The following SLC51A variants were observed in gnomAD, a reference collection of about 807,000 sequenced individuals.
SLC51A encodes organic solute transporter subunit alpha.
In SLC51A, 22 loss-of-function variants were observed where a neutral mutation model predicts 34.8. The observed-to-expected ratio is 0.63, with a 90% CI of 0.45 to 0.90. SLC51A has a LOEUF of 0.90. Among genes scored for constraint, SLC51A ranks in the 40% least tolerant of loss-of-function variants. SLC51A has a pLI of 0.00. For synonymous variants in SLC51A, 181 were observed against 176.3 expected (o/e 1.03, Z -0.21); for missense variants, 371 against 414.8 (o/e 0.89, Z 0.92).
chr3:196,225,117 G>A (rs1003868531), intron 2 of SLC51A, among the ~76,000 whole-genome samples: 3 of 151,394 alleles, frequency 2.0e-5, no homozygotes, highest in Non-Finnish European at 4.4e-5. Flanking sequence ...GGGACCACAG[G>A]CAGGCGCCAC....
intron 4 of SLC51A, 40 bp downstream of exon 4, chr3:196,227,777 GC>G: frequency 6.4e-7 from 1 of 1,569,582 alleles, no homozygotes; most frequent in Non-Finnish European, 8.7e-7. Flanking sequence ...GGGCCCCTCT[GC>G]TCCCGCTCAC....
chr3:196,223,737 T>TAAA (rs71161915), intron 2 of SLC51A: 444 of 250,366 alleles, frequency 1.8e-3, no homozygotes, highest in African/African-American at 0.011. Context: ...CAGGTTTAGT[T>TAAA]AAAAAAAAAA....
At chr3:196,217,483 G>A (rs1723620144) in intron 1 of SLC51A, among the ~76,000 whole-genome samples, 2 of 151,722 alleles carry the variant, frequency 1.3e-5, no homozygotes, top group African/African-American at 2.4e-5. Flanking sequence ...AAGGCTGCCT[G>A]TATGAGCCAA....
chr3:196,232,630 G>A (rs1189201921), intron 8 of SLC51A, 106 bp downstream of exon 8: 1 of 828,928 alleles, frequency 1.2e-6, no homozygotes, highest in Non-Finnish European at 2.1e-6. Context: ...CTTCTGCTCA[G>A]AGTGTTCAGA....
In SLC51A at chr3:196,233,406, C is replaced by T. The variant is rs943378493; in HGVS notation, c.*207C>T. Reference sequence around the variant, plus strand: ...AAGGTGTTTTAAGTTTTGTAATAAACAAGATGATGTCTGAAAATGTGTAAC... The same window carrying T: ...AAGGTGTTTTAAGTTTTGTAATAAATAAGATGATGTCTGAAAATGTGTAAC... On this transcript the variant is annotated 3_prime_UTR_variant, in exon 9 of 9. Coordinates refer to ENST00000296327, the MANE Select transcript of SLC51A (RefSeq NM_152672.6). 22 of 561,616 alleles carry T rather than the reference C, an allele frequency of 3.9e-5. 2 individuals carry two copies. In the South Asian group the frequency reaches 4.1e-4, roughly 10 times the overall value. 34.8% of individuals were successfully genotyped at this position (561,616 alleles called of 1,614,324 possible).
At chr3:196,219,933 A>AG (rs1723701742) in intron 2 of SLC51A, among the ~76,000 whole-genome samples, 1 of 152,240 alleles carries the variant, frequency 6.6e-6, no homozygotes, top group African/African-American at 2.4e-5. Context: ...GGAAACCCCA[A>AG]GGCTGTTCAG....
intron 2 of SLC51A, among the ~76,000 whole-genome samples, chr3:196,219,197 G>A (rs1723677269): frequency 6.6e-6 from 1 of 152,130 alleles, no homozygotes; most frequent in Non-Finnish European, 1.5e-5. Context: ...CTGCACTGCA[G>A]CCTGGGCAAC....
chr3:196,221,860 C>T (rs1301973206), intron 2 of SLC51A, among the ~76,000 whole-genome samples: 8 of 151,966 alleles, frequency 5.3e-5, no homozygotes, highest in African/African-American at 1.4e-4. Context: ...GGACTACAGG[C>T]GCCCGCCACC....
rs1351431800 is a variant in SLC51A, at chr3:196,227,208, G to GTCACTTCA, written c.288+89_288+90insTCACTTCA. ...TCCTCTAAACTCAGCACGTCACTTC[G>GTCACTTCA]GCAAAGAGTGTCCTGCCACGACCCG... On this transcript the variant is annotated intron_variant, in intron 3 of 8. Coordinates refer to ENST00000296327, the MANE Select transcript of SLC51A (RefSeq NM_152672.6). The GTCACTTCA allele has an allele frequency of 6.4e-4, 390 of 606,740 alleles. 2 individuals carry two copies. The highest frequency in any genetic ancestry group is 8.3e-4 in the Non-Finnish European group (352 of 425,746). 37.6% of individuals were successfully genotyped at this position (606,740 alleles called of 1,614,324 possible). A position where few individuals can be genotyped will look rare whatever the true frequency, so the allele number is the denominator to read the frequency against.
chr3:196,233,040 C>T (rs1206024425), intron 8 of SLC51A, 23 bp from the exon 9 acceptor site: 6 of 1,612,820 alleles, frequency 3.7e-6, no homozygotes, highest in Non-Finnish European at 4.2e-6. Context: ...ATAACCTACG[C>T]TGTATTTCAC....
chr3:196,229,378 C>CTTT lies in SLC51A; in HGVS notation c.633+473_633+475dup, dbSNP rs35341874. 9.0e-4 allele frequency among the ~76,000 whole-genome samples: 118 copies of CTTT among 130,896 alleles called. 2 individuals carry two copies. Among genetic ancestry groups the CTTT allele is most frequent in the East Asian group, 5.2e-3 (22 of 4,240 alleles). 85.9% of individuals were successfully genotyped at this position (130,896 alleles called of 152,430 possible). A position where few individuals can be genotyped will look rare whatever the true frequency, so the allele number is the denominator to read the frequency against. On this transcript the variant is annotated intron_variant, in intron 6 of 8. Transcript: ENST00000296327. Reference sequence around the variant, plus strand: ...TGGGCAACATAGTGAGATACCATCTCTTTTTTTTTTTTTTTTTGAGACGGA... The same window carrying CTTT: ...TGGGCAACATAGTGAGATACCATCTCTTTTTTTTTTTTTTTTTTTTGAGACGGA...
rs925792766 is a variant in SLC51A, at chr3:196,216,809, G to C, written c.38+59G>C. The C allele has an allele frequency of 6.6e-6, 10 of 1,506,014 alleles. 1 individual carries two copies. The highest frequency in any genetic ancestry group is 3.7e-5 in the South Asian group (3 of 81,174). 93.3% of individuals were successfully genotyped at this position (1,506,014 alleles called of 1,614,324 possible). A position where few individuals can be genotyped will look rare whatever the true frequency, so the allele number is the denominator to read the frequency against. ...TGGGCAGCGGTGGCCCCTATCCCGC[G>C]GCCTGTCCTCTCTCCCTCCCAGAGC... On this transcript the variant is annotated intron_variant, in intron 1 of 8. Transcript: ENST00000296327. This position sits in a 1 kb window ranked among gnomAD's most constrained non-coding sequence, Gnocchi z 4.5.
rs758231801 is a variant in SLC51A at position 196,228,812 on chromosome 3, G to A, written c.525G>A (p.Lys175=). ...PCCPRLLLTR[K]KLQLLMLGPF... is the part of the protein sequence containing the mutation. ...CCTAACCCTCTTCCCCACTCAGGAAGAAGCTTCAGCTGCTGATGTTGGGCC... is the reference window on the plus strand; with the variant it reads ...CCTAACCCTCTTCCCCACTCAGGAAAAAGCTTCAGCTGCTGATGTTGGGCC... Residue 175 remains lysine, a synonymous_variant, in exon 6 of 9, where the codon AAG becomes AAA. Coordinates refer to ENST00000296327, the MANE Select transcript of SLC51A (RefSeq NM_152672.6). The surrounding 1 kb of genome is among the most constrained non-coding windows in gnomAD (Gnocchi z 4.9). 2 of 1,614,030 alleles carry A rather than the reference G, an allele frequency of 1.2e-6. No homozygotes were observed. Among genetic ancestry groups the A allele is most frequent in the East Asian group, 4.5e-5 (2 of 44,878 alleles).
At chr3:196,223,454 G>T (rs1224630675) in intron 2 of SLC51A, among the ~76,000 whole-genome samples, 1 of 151,748 alleles carries the variant, frequency 6.6e-6, no homozygotes, top group Non-Finnish European at 1.5e-5. Context: ...ACGTTACCCG[G>T]AATGGAGATT....
rs1233491609 is a variant in SLC51A, at chr3:196,228,125, G to A, written c.373G>A (p.Val125Met). Reference sequence around the variant, plus strand: ...CTCTCCCCACCCCAGGTTTTATGCCGTGTGCTTTTACCTGCTGATGCTGGT... The same window carrying A: ...CTCTCCCCACCCCAGGTTTTATGCCATGTGCTTTTACCTGCTGATGCTGGT... Reference protein sequence around the residue: ...VEMTITSFYAVCFYLLMLVMV... With the variant: ...VEMTITSFYAMCFYLLMLVMV... The change falls in exon 5 of 9, where the codon GTG becomes ATG. Residue 125 changes from valine to methionine, a missense_variant. Val to Met is a conservative substitution (Grantham distance 21, BLOSUM62 1). Coordinates refer to ENST00000296327, the MANE Select transcript of SLC51A (RefSeq NM_152672.6). The surrounding 1 kb of genome is among the most constrained non-coding windows in gnomAD (Gnocchi z 4.9). 9.9e-6 allele frequency: 16 copies of A among 1,613,514 alleles called. No individual in the cohort carries two copies. The highest frequency in any genetic ancestry group is 2.2e-5 in the East Asian group (1 of 44,878).
chr3:196,233,297 T>G lies in SLC51A; in HGVS notation c.*98T>G. On this transcript the variant is annotated 3_prime_UTR_variant, in exon 9 of 9. Transcript: ENST00000296327. ...TGACCAAATGGGAAGCATTCCCCCT[T>G]GTCAACACAAGCTGGCAGATACATT... 7.4e-7 allele frequency: 1 copy of G among 1,344,340 alleles called. No homozygotes were observed. The highest frequency in any genetic ancestry group is 1.0e-6 in the Non-Finnish European group (1 of 977,070). 83.3% of individuals were successfully genotyped at this position (1,344,340 alleles called of 1,614,324 possible). A position where few individuals can be genotyped will look rare whatever the true frequency, so the allele number is the denominator to read the frequency against.
At chr3:196,229,670 C>A (rs900077342) in intron 6 of SLC51A, among the ~76,000 whole-genome samples, 28 of 142,034 alleles carry the variant, frequency 2.0e-4, no homozygotes, top group Non-Finnish European at 4.3e-4. Flanking sequence ...AGCCACCACG[C>A]CTGGCCCATC....
chr3:196,229,857 G>A (rs932666545), intron 6 of SLC51A, 58 bp from the exon 7 acceptor site: 4 of 383,760 alleles, frequency 1.0e-5, no homozygotes, highest in South Asian at 8.0e-5. Flanking sequence ...TCTCTTGAAA[G>A]AGAGAGAGAG....
At chr3:196,219,296 C>G (rs4916519) in intron 2 of SLC51A, among the ~76,000 whole-genome samples, 3 of 152,120 alleles carry the variant, frequency 2.0e-5, no homozygotes, top group Non-Finnish European at 4.4e-5. Context: ...TCAGCTTATT[C>G]CCCGGACACC....
Sources: gnomAD v4.1 joint callset for allele counts (sites outside exome capture counted in the v4.1 genomes callset) on GRCh38, gnomAD v4.1.1 for gene constraint, Gnocchi (gnomAD v3.1) non-coding constraint, MANE v1.5 for transcripts, NCBI Gene and HGNC (gene_info 2026-07-23, HGNC 2026-07-21) for gene names.